The following ADGRL2 variants were observed in gnomAD, a reference collection of about 807,000 sequenced individuals.
ADGRL2 encodes the protein calcium-independent alpha-latrotoxin receptor 2.
A neutral mutation model predicts 157.4 loss-of-function variants in ADGRL2; 44 were observed. The ratio of observed to expected loss-of-function variants is 0.28; its 90% CI spans 0.22 to 0.36. The LOEUF (loss-of-function observed/expected upper bound fraction) is 0.36, where lower values mean the gene tolerates loss of function less well. Among genes scored for constraint, ADGRL2 ranks in the 10% least tolerant of loss-of-function variants. The pLI, the probability that ADGRL2 is intolerant of heterozygous loss-of-function variation, is 1.00. For missense variants in ADGRL2, 1,510 were observed against 1,768.9 expected (o/e 0.85, Z 2.63); for synonymous variants, 585 against 624.7 (o/e 0.94, Z 0.95).
intron 2 of ADGRL2, among the ~76,000 whole-genome samples, chr1:81,535,066 T>A (rs532311780): frequency 6.6e-6 from 1 of 152,192 alleles, no homozygotes; most frequent in African/African-American, 2.4e-5. Flanking sequence ...ATGAGTCTTA[T>A]GTGATTTAAA....
At chr1:81,606,497 G>GCGCA (rs1553129558) in intron 3 of ADGRL2, among the ~76,000 whole-genome samples, 2 of 149,296 alleles carry the variant, frequency 1.3e-5, no homozygotes, top group East Asian at 4.0e-4. Flanking sequence ...TCATGCACAT[G>GCGCA]CACACACACA....
chr1:81,353,810 A>C (rs1280569008), intron 1 of ADGRL2, among the ~76,000 whole-genome samples: 2 of 152,200 alleles, frequency 1.3e-5, no homozygotes, highest in Non-Finnish European at 2.9e-5. Context: ...TGGATCTCAC[A>C]AGAGAAGCCT....
At chr1:81,734,043 G>A (rs1423193726) in intron 1 of ADGRL2, among the ~76,000 whole-genome samples, 2 of 152,102 alleles carry the variant, frequency 1.3e-5, no homozygotes, top group Admixed American at 6.6e-5. Flanking sequence ...TTGGGAGGCC[G>A]AAGTGGATGA....
At chr1:81,717,476 G>T (rs542704959) in intron 1 of ADGRL2, among the ~76,000 whole-genome samples, 1 of 152,158 alleles carries the variant, frequency 6.6e-6, no homozygotes, top group Non-Finnish European at 1.5e-5. Context: ...TTCCTATTTT[G>T]AGTGAAATTA....
At chr1:81,758,785 T>C (rs1204894728) in intron 1 of ADGRL2, among the ~76,000 whole-genome samples, 1 of 152,226 alleles carries the variant, frequency 6.6e-6, no homozygotes, top group Non-Finnish European at 1.5e-5. Context: ...TCTAATTGTT[T>C]TCAAGTTTTA....
intron 1 of ADGRL2, among the ~76,000 whole-genome samples, chr1:81,316,249 T>A (rs1337148052): frequency 6.6e-6 from 1 of 152,200 alleles, no homozygotes; most frequent in African/African-American, 2.4e-5. Flanking sequence ...GTTAAATGGT[T>A]TAAGCAGATT....
intron 1 of ADGRL2, among the ~76,000 whole-genome samples, chr1:81,725,197 C>T: frequency 7.3e-6 from 1 of 136,096 alleles, no homozygotes; most frequent in South Asian, 2.5e-4. Context: ...AGGTGAGACC[C>T]CGTCTCAAAA....
intron 2 of ADGRL2, among the ~76,000 whole-genome samples, chr1:81,454,271 C>T (rs746316418): frequency 5.9e-5 from 9 of 151,622 alleles, no homozygotes; most frequent in African/African-American, 1.9e-4. Flanking sequence ...GCAAATGTAG[C>T]GTGAAGATTT....
chr1:81,533,272 G>A (rs1038360656), intron 2 of ADGRL2, among the ~76,000 whole-genome samples: 1 of 152,060 alleles, frequency 6.6e-6, no homozygotes, highest in African/African-American at 2.4e-5. Flanking sequence ...CCAGCTACTC[G>A]GGAGGCTGAG....
At chr1:81,532,284 AG>A (rs1204761340) in intron 2 of ADGRL2, among the ~76,000 whole-genome samples, 2 of 152,152 alleles carry the variant, frequency 1.3e-5, no homozygotes, top group African/African-American at 4.8e-5. Flanking sequence ...ATAAACCCTC[AG>A]AGCCCCAATA....
chr1:81,350,903 A>G (rs1662834273), intron 1 of ADGRL2, among the ~76,000 whole-genome samples: 1 of 152,112 alleles, frequency 6.6e-6, no homozygotes. Flanking sequence ...ATTTTTATTG[A>G]CTTATGGCTC....
chr1:81,909,665 A>G (rs562368847), intron 3 of ADGRL2, among the ~76,000 whole-genome samples: 1 of 152,184 alleles, frequency 6.6e-6, no homozygotes, highest in Non-Finnish European at 1.5e-5. Flanking sequence ...GTATACAGAT[A>G]GTTAAGGTAA....
chr1:81,639,787 C>G (rs1037932012), intron 3 of ADGRL2, among the ~76,000 whole-genome samples: 1 of 152,118 alleles, frequency 6.6e-6, no homozygotes, highest in South Asian at 2.1e-4. Flanking sequence ...CACTTCACAG[C>G]ATAATGCTGT....
intron 1 of ADGRL2, among the ~76,000 whole-genome samples, chr1:81,359,042 G>A (rs376524119): frequency 6.6e-6 from 1 of 151,774 alleles, no homozygotes; most frequent in East Asian, 1.9e-4. Flanking sequence ...GCTGTGGAAG[G>A]GACTTGGGTT....
intron 3 of ADGRL2, among the ~76,000 whole-genome samples, chr1:81,650,615 A>G (rs1231883294): frequency 6.6e-6 from 1 of 151,888 alleles, no homozygotes; most frequent in Non-Finnish European, 1.5e-5. Flanking sequence ...GAAAAGAAAA[A>G]TTGTCACTGA....
chr1:81,841,694 C>G (rs2092587218), intron 2 of ADGRL2, among the ~76,000 whole-genome samples: 1 of 152,162 alleles, frequency 6.6e-6, no homozygotes, highest in African/African-American at 2.4e-5. Flanking sequence ...CGTGCACACA[C>G]ACACAACATG....
At chr1:81,610,286 C>T (rs2081516264) in intron 3 of ADGRL2, among the ~76,000 whole-genome samples, 1 of 141,412 alleles carries the variant, frequency 7.1e-6, no homozygotes. Context: ...ACAGCGATAC[C>T]TAAAGATATT....
At position 81,326,298 on chromosome 1, in the gene ADGRL2, G is replaced by A. The variant is rs547906191; in HGVS notation, c.-302+19789G>A. 2.6e-5 allele frequency among the ~76,000 whole-genome samples: 4 copies of A among 152,288 alleles called. No individual in the cohort carries two copies. The East Asian group carries it at 5.8e-4, about 22-fold the overall frequency. On this transcript the variant is annotated intron_variant, in intron 1 of 24. Coordinates refer to the ADGRL2 transcript ENST00000370721. ...GCTTTGTGATTGTAGCTCAGGAATA[G>A]TACCTATCACATTAGAGTTCAATTT... is the stretch of plus-strand genomic sequence containing the variant.
chr1:81,554,214 G>T (rs2080217541), intron 2 of ADGRL2, among the ~76,000 whole-genome samples: 1 of 152,174 alleles, frequency 6.6e-6, no homozygotes, highest in Non-Finnish European at 1.5e-5. Context: ...TTACTTTTCA[G>T]CCACACCTGT....
Sources: gnomAD v4.1 joint callset for allele counts (sites outside exome capture counted in the v4.1 genomes callset) on GRCh38, gnomAD v4.1.1 for gene constraint, MANE v1.5 for transcripts, NCBI Gene and HGNC (gene_info 2026-07-23, HGNC 2026-07-21) for gene names.